Variants in RANBP17 observed in about 807,000 individuals in gnomAD.
RANBP17 encodes the protein ran-binding protein 17.
A neutral mutation model predicts 141.2 loss-of-function variants in RANBP17; 158 were observed. The ratio of observed to expected loss-of-function variants is 1.12; its 90% confidence interval spans 0.98 to 1.28. The LOEUF (loss-of-function observed/expected upper bound fraction) is 1.28. Among genes scored for constraint, RANBP17 ranks in the 50% most tolerant of loss-of-function variants. RANBP17 has a pLI of 0.00. For synonymous variants in RANBP17, 430 were observed against 450.0 expected (o/e 0.96, Z 0.56); for missense variants, 1,438 against 1,290.7 (o/e 1.11, Z -1.75).
chr5:171,141,609 G>A (rs1434982202), intron 14 of RANBP17, among the ~76,000 whole-genome samples: 4 of 93,092 alleles, frequency 4.3e-5, no homozygotes, highest in Non-Finnish European at 5.7e-5. Flanking sequence ...GAGATGGAGC[G>A]AGACTCCATC....
intron 24 of RANBP17, among the ~76,000 whole-genome samples, chr5:171,262,202 T>TG (rs1581141891): frequency 6.6e-6 from 1 of 152,224 alleles, no homozygotes; most frequent in East Asian, 1.9e-4. Flanking sequence ...GAACCATATC[T>TG]GCTTCCTGCT....
At chr5:170,940,251 C>A (rs2127473852) in intron 12 of RANBP17, among the ~76,000 whole-genome samples, 1 of 152,126 alleles carries the variant, frequency 6.6e-6, no homozygotes, top group Non-Finnish European at 1.5e-5. Flanking sequence ...TAATATCAAA[C>A]AAAAATGACT....
intron 14 of RANBP17, among the ~76,000 whole-genome samples, chr5:171,078,114 G>C (rs1785051415): frequency 6.7e-6 from 1 of 149,928 alleles, no homozygotes; most frequent in Non-Finnish European, 1.5e-5. Flanking sequence ...CTAAACAACA[G>C]ATTTTCTTTT....
At chr5:171,252,168 T>C in intron 24 of RANBP17, 1 of 1,585,540 alleles carries the variant, frequency 6.3e-7, no homozygotes, top group Non-Finnish European at 8.6e-7. Context: ...TTTTGACAAC[T>C]ACATGCAACA....
chr5:171,147,628 C>G (rs1194613349), intron 14 of RANBP17, among the ~76,000 whole-genome samples: 1 of 152,054 alleles, frequency 6.6e-6, no homozygotes, highest in Middle Eastern at 3.2e-3. Context: ...TTTGGCCAGG[C>G]TAGTCTTGAA....
At chr5:170,909,577 CCTTT>C in intron 5 of RANBP17, 80 bp from the exon 6 acceptor site, 2 of 550,794 alleles carry the variant, frequency 3.6e-6, no homozygotes, top group African/African-American at 6.4e-5. Context: ...AAGTTTATTT[CCTTT>C]TTTTTTTTTT....
intron 14 of RANBP17, among the ~76,000 whole-genome samples, chr5:171,154,570 A>G (rs1398995137): frequency 6.6e-6 from 1 of 152,176 alleles, no homozygotes; most frequent in Non-Finnish European, 1.5e-5. Context: ...GTGAGCTACT[A>G]TGCCCAGCCA....
At chr5:170,903,912 C>T in intron 5 of RANBP17, 1 of 522,388 alleles carries the variant, frequency 1.9e-6, no homozygotes, top group South Asian at 1.5e-5. Flanking sequence ...GAATTTAGTT[C>T]CTTTTCCTCA....
At chr5:171,145,948 G>A (rs1321165500) in intron 14 of RANBP17, among the ~76,000 whole-genome samples, 2 of 152,058 alleles carry the variant, frequency 1.3e-5, no homozygotes, top group Non-Finnish European at 2.9e-5. Flanking sequence ...ATAGGCCCCA[G>A]GAAGAAGAAA....
At chr5:171,118,968 G>C (rs1422891918) in intron 14 of RANBP17, among the ~76,000 whole-genome samples, 1 of 152,106 alleles carries the variant, frequency 6.6e-6, no homozygotes, top group African/African-American at 2.4e-5. Flanking sequence ...TGTTGAATAA[G>C]AGTGAGAGTG....
chr5:171,064,870 T>TAA, intron 14 of RANBP17, among the ~76,000 whole-genome samples: 1 of 146,752 alleles, frequency 6.8e-6, no homozygotes, highest in African/African-American at 2.5e-5. Flanking sequence ...TTCCTCAATT[T>TAA]AAAAAAAAAA....
At chr5:171,146,410 G>C (rs1214520663) in intron 14 of RANBP17, among the ~76,000 whole-genome samples, 4 of 152,198 alleles carry the variant, frequency 2.6e-5, no homozygotes, top group Non-Finnish European at 5.9e-5. Context: ...CAATCATGTA[G>C]GGTAAATGCA....
chr5:170,874,933 T>C (rs1768058032), intron 1 of RANBP17, among the ~76,000 whole-genome samples: 1 of 152,236 alleles, frequency 6.6e-6, no homozygotes, highest in African/African-American at 2.4e-5. Context: ...CCTTGGTCTT[T>C]GTATTTTGGT....
chr5:171,242,403 C>G (rs1764934298), intron 23 of RANBP17, among the ~76,000 whole-genome samples: 1 of 152,100 alleles, frequency 6.6e-6, no homozygotes, highest in Non-Finnish European at 1.5e-5. Flanking sequence ...TTACAGTATT[C>G]CAATCCAGAA....
At chr5:171,057,381 C>T (rs549803536) in intron 14 of RANBP17, among the ~76,000 whole-genome samples, 1 of 152,080 alleles carries the variant, frequency 6.6e-6, no homozygotes, top group African/African-American at 2.4e-5. Flanking sequence ...ATATTTTATA[C>T]ATATTTATAT....
chr5:171,204,633 A>G (rs1240005372), intron 19 of RANBP17, among the ~76,000 whole-genome samples: 1 of 152,156 alleles, frequency 6.6e-6, no homozygotes, highest in Non-Finnish European at 1.5e-5. Context: ...CCGACATTCT[A>G]GCATCTGTTC....
At chr5:170,878,067 A>AG in intron 1 of RANBP17, 30 bp from the exon 2 acceptor site, 1 of 1,504,754 alleles carries the variant, frequency 6.6e-7, no homozygotes. Context: ...TTTTCATTGA[A>AG]GTAAAATGTT....
intron 14 of RANBP17, among the ~76,000 whole-genome samples, chr5:170,978,912 A>G (rs1169083460): frequency 6.6e-6 from 1 of 152,178 alleles, no homozygotes; most frequent in Admixed American, 6.5e-5. Flanking sequence ...AAAAGTGGAA[A>G]CTTGCCTATC....
At chr5:171,217,547 G>A (rs1226105373) in intron 21 of RANBP17, among the ~76,000 whole-genome samples, 1 of 151,852 alleles carries the variant, frequency 6.6e-6, no homozygotes, top group African/African-American at 2.4e-5. Flanking sequence ...GCTTTTTTTG[G>A]TTGATAGGCT....
Sources: allele counts gnomAD v4.1 joint callset (sites outside exome capture counted in the v4.1 genomes callset), GRCh38; gene constraint gnomAD v4.1.1; transcripts MANE v1.5; gene names NCBI Gene and HGNC (gene_info 2026-07-23, HGNC 2026-07-21).